The following AHCTF1 variants were observed in gnomAD, a reference collection of about 807,000 sequenced individuals.
The protein encoded by AHCTF1 is AT-hook containing transcription factor 1.
In AHCTF1, 24 loss-of-function variants were observed where a neutral mutation model predicts 248.4. The observed-to-expected ratio is 0.10, with a 90% confidence interval of 0.07 to 0.14. The LOEUF (loss-of-function observed/expected upper bound fraction) is 0.14. Ranked by LOEUF, AHCTF1 falls within the 10% of genes least tolerant of loss-of-function variation. AHCTF1 has a pLI of 1.00. For missense variants in AHCTF1, 2,206 were observed against 2,636.2 expected, an observed-to-expected ratio of 0.84 and a Z score of 3.57; for synonymous variants, 786 against 929.8, an observed-to-expected ratio of 0.85 and a Z score of 2.81.
intron 3 of AHCTF1, among the ~76,000 whole-genome samples, chr1:246,913,636 T>G (rs1283347912): frequency 6.6e-6 from 1 of 152,220 alleles, no homozygotes; most frequent in Admixed American, 6.5e-5. Context: ...TAACAATTGA[T>G]GTTGACTGAG....
intron 5 of AHCTF1, among the ~76,000 whole-genome samples, chr1:246,906,747 G>A (rs899928015): frequency 1.3e-5 from 2 of 152,134 alleles, no homozygotes; most frequent in Non-Finnish European, 2.9e-5. Context: ...TCTATTTAAC[G>A]CTTAACACAA....
chr1:246,922,949 C>A (rs1258387282), intron 1 of AHCTF1, among the ~76,000 whole-genome samples: 1 of 134,298 alleles, frequency 7.4e-6, no homozygotes, highest in East Asian at 2.2e-4. Flanking sequence ...CACCACTGCA[C>A]TCTAGCCTGG....
At chr1:246,922,057 C>T (rs190062366) in intron 1 of AHCTF1, among the ~76,000 whole-genome samples, 1 of 152,274 alleles carries the variant, frequency 6.6e-6, no homozygotes, top group East Asian at 1.9e-4. Flanking sequence ...TGTTACATAT[C>T]CATGTTGAAA....
At chr1:246,904,255 T>C (rs1422301031) in intron 6 of AHCTF1, among the ~76,000 whole-genome samples, 6 of 152,234 alleles carry the variant, frequency 3.9e-5, no homozygotes, top group African/African-American at 1.4e-4. Context: ...GCTGTTTGCA[T>C]ACTGTAGGAG....
intron 24 of AHCTF1, among the ~76,000 whole-genome samples, chr1:246,870,042 T>A (rs533887274): frequency 1.3e-5 from 2 of 149,198 alleles, no homozygotes; most frequent in African/African-American, 5.1e-5. Flanking sequence ...TAAAAGGAGT[T>A]TGTAAGAAGG....
At position 246,917,581 on chromosome 1, in the gene AHCTF1, C is replaced by T. The variant is rs574083479; in HGVS notation, c.121+669G>A. On this transcript the variant is annotated intron_variant, in intron 2 of 35. Coordinates refer to ENST00000648844, the MANE Select transcript of AHCTF1 (RefSeq NM_001323342.2). ...TTTTACACCACTCCAATGAAGTCAT[C>T]GTACAATGCCTGGCATATAGAAAGT... Among the ~76,000 whole-genome samples the T allele has an allele frequency of 1.6e-3, 249 of 152,288 alleles. 1 individual carries two copies. The highest frequency in any genetic ancestry group is 3.1e-3 in the Non-Finnish European group (208 of 68,028).
chr1:246,913,602 C>T lies in AHCTF1; in HGVS notation c.376-190G>A, dbSNP rs143458956. On this transcript the variant is annotated intron_variant, in intron 3 of 35. Transcript: ENST00000648844. The stretch of plus-strand genomic sequence containing the variant: ...CTAGGAATTACACCATTACTCAATA[C>T]ATAGAAAAATCACGCAGTTGGACTA... 2.3e-3 allele frequency among the ~76,000 whole-genome samples: 352 copies of T among 152,254 alleles called. 6 individuals are homozygous for T. Among genetic ancestry groups the T allele is most frequent in the East Asian group, 1.2e-3 (6 of 5,192 alleles).
chr1:246,923,054 A>G (rs1666680679), intron 1 of AHCTF1, among the ~76,000 whole-genome samples: 1 of 150,336 alleles, frequency 6.7e-6, no homozygotes, highest in African/African-American at 2.4e-5. Context: ...TAATAGCCAA[A>G]TACTAAATAC....
At chr1:246,881,870 A>C (rs1258355332) in intron 21 of AHCTF1, among the ~76,000 whole-genome samples, 5 of 151,656 alleles carry the variant, frequency 3.3e-5, no homozygotes, top group Middle Eastern at 3.4e-3. Context: ...AACAAAAAAA[A>C]AAGAAGAAGG....
At chr1:246,900,545 G>C in intron 8 of AHCTF1, 76 bp from the exon 9 acceptor site, 2 of 1,431,754 alleles carry the variant, frequency 1.4e-6, no homozygotes, top group Non-Finnish European at 1.9e-6. Context: ...ATTATAGCAA[G>C]ATTTTCTCAT....
intron 24 of AHCTF1, among the ~76,000 whole-genome samples, chr1:246,873,164 A>G (rs1449277938): frequency 1.3e-5 from 2 of 152,192 alleles, no homozygotes; most frequent in African/African-American, 2.4e-5. Flanking sequence ...CATGTTAAGT[A>G]AATGTGCCCT....
At chr1:246,904,110 T>C in intron 6 of AHCTF1, 77 bp from the exon 7 acceptor site, 3 of 1,294,350 alleles carry the variant, frequency 2.3e-6, no homozygotes, top group Non-Finnish European at 3.3e-6. Flanking sequence ...TAAGTTTAGT[T>C]TGCTTGCAAT....
chr1:246,898,438 A>G, intron 11 of AHCTF1, 102 bp from the exon 12 acceptor site: 1 of 1,244,636 alleles, frequency 8.0e-7, no homozygotes, highest in Non-Finnish European at 1.1e-6. Flanking sequence ...ATTTAAAGAT[A>G]GCAAGTGGAA....
intron 20 of AHCTF1, 88 bp from the exon 21 acceptor site, chr1:246,885,768 A>C: frequency 4.1e-6 from 5 of 1,226,582 alleles, no homozygotes; most frequent in Non-Finnish European, 5.6e-6. Flanking sequence ...AACCACAAAA[A>C]TCCAGATAAG....
intron 1 of AHCTF1, among the ~76,000 whole-genome samples, chr1:246,925,997 A>G (rs1439695168): frequency 6.6e-6 from 1 of 151,102 alleles, no homozygotes; most frequent in African/African-American, 2.4e-5. Context: ...GCAGTGAGCC[A>G]TAACTGCACC....
rs1659691913 is a variant in AHCTF1, at chr1:246,839,492, TGA to T, written c.*1312_*1313del. 1.0e-6 allele frequency: 1 copy of T among 982,258 alleles called. No homozygotes were observed. Among genetic ancestry groups the T allele is most frequent in the Admixed American group, 6.2e-5 (1 of 16,252 alleles). The allele number at this position is 982,258 out of a possible 1,614,324, so 60.8% of individuals were successfully genotyped here. On this transcript the variant is annotated 3_prime_UTR_variant, in exon 36 of 36. Transcript: ENST00000648844. Reference sequence around the variant, plus strand: ...AAAAAAGTAATAAAATCAAAGTCAGTGAAATTTTCAACAAGGCAGCGTAACAT... The same window carrying T: ...AAAAAAGTAATAAAATCAAAGTCAGTAATTTTCAACAAGGCAGCGTAACAT...
intron 1 of AHCTF1, chr1:246,931,279 C>T: frequency 6.5e-7 from 1 of 1,548,414 alleles, no homozygotes; most frequent in Non-Finnish European, 8.7e-7. Context: ...CGTAAAGGGA[C>T]CCGACTGCCG....
intron 11 of AHCTF1, among the ~76,000 whole-genome samples, chr1:246,898,945 C>A (rs771620173): frequency 6.6e-6 from 1 of 152,004 alleles, no homozygotes; most frequent in South Asian, 2.1e-4. Context: ...AAATATTAGC[C>A]GGGCGTGGTG....
At chr1:246,854,474 A>G (rs899290936) in intron 31 of AHCTF1, among the ~76,000 whole-genome samples, 7 of 152,200 alleles carry the variant, frequency 4.6e-5, no homozygotes, top group African/African-American at 1.7e-4. Flanking sequence ...ATAAGCAATT[A>G]GTTAAGCATG....
Sources: allele counts gnomAD v4.1 joint callset (sites outside exome capture counted in the v4.1 genomes callset), GRCh38; gene constraint gnomAD v4.1.1; transcripts MANE v1.5; gene names NCBI Gene and HGNC (gene_info 2026-07-23, HGNC 2026-07-21).